The following HSPA4 variants were observed in gnomAD, a reference collection of about 807,000 sequenced individuals.
HSPA4 encodes heat shock 70 kDa protein 4.
Under a neutral mutation model 106.2 loss-of-function variants are expected in HSPA4, and 25 were observed. The ratio of observed to expected loss-of-function variants is 0.24; its 90% CI spans 0.17 to 0.33. The LOEUF (loss-of-function observed/expected upper bound fraction) is 0.33, where lower values mean the gene tolerates loss of function less well. Ranked by LOEUF, HSPA4 falls within the 10% of genes least tolerant of loss-of-function variation. The probability of loss-of-function intolerance (pLI) is 1.00; values close to 1 mark genes in which losing one functional copy is unlikely to be tolerated. For synonymous variants in HSPA4, 332 were observed against 333.6 expected, an observed-to-expected ratio of 1.00 and a Z score of 0.05; for missense variants, 841 against 996.0, an observed-to-expected ratio of 0.84 and a Z score of 2.10.
chr5:133,080,434 A>AC (rs1164086886), intron 7 of HSPA4, among the ~76,000 whole-genome samples: 9 of 151,210 alleles, frequency 6.0e-5, no homozygotes, highest in African/African-American at 2.2e-4. Context: ...AAAAAAAAAA[A>AC]AAAAAAACCC....
At chr5:133,096,366 A>T in intron 14 of HSPA4, 116 bp downstream of exon 14, 1 of 933,140 alleles carries the variant, frequency 1.1e-6, no homozygotes, top group Non-Finnish European at 1.6e-6. Context: ...AGAGAAAATA[A>T]ATTAGACTTT....
chr5:133,096,778 A>G (rs1304899346), intron 14 of HSPA4, among the ~76,000 whole-genome samples: 2 of 152,212 alleles, frequency 1.3e-5, no homozygotes, highest in Non-Finnish European at 2.9e-5. Flanking sequence ...ATCTTAGAAT[A>G]GTTTTGTCTT....
At chr5:133,057,200 A>T (rs1765175783) in intron 1 of HSPA4, among the ~76,000 whole-genome samples, 1 of 152,114 alleles carries the variant, frequency 6.6e-6, no homozygotes, top group African/African-American at 2.4e-5. Flanking sequence ...ACCAGAGAGT[A>T]CTCTGATTAA....
Position 133,088,428 on chromosome 5 carries a change from C to A in HSPA4, c.1010C>A (p.Ala337Glu). ...GAGTTAAAGAAAGAAGATATTTATG[C>A]AGTGGAGATAGTTGGTGGTGCTACA... ...QTKLKKEDIY[A>E]VEIVGGATRI... Residue 337 changes from alanine (A) to glutamate (E), a missense_variant, in exon 9 of 19, where the codon GCA becomes GAA. Around this residue, in one of 5 missense-constraint regions of HSPA4, gnomAD observed 347 missense variants for 408.7 expected, o/e 0.85. Transcript: ENST00000304858. 1 of 1,609,964 alleles carries A rather than the reference C, an allele frequency of 6.2e-7. No homozygotes were observed. The highest frequency in any genetic ancestry group is 8.5e-7 in the Non-Finnish European group (1 of 1,176,446).
intron 16 of HSPA4, among the ~76,000 whole-genome samples, chr5:133,100,662 G>A (rs183285076): frequency 3.3e-4 from 51 of 152,310 alleles, no homozygotes; most frequent in Admixed American, 8.5e-4. Flanking sequence ...GCGGGTGCCT[G>A]TAGTCCCAGC....
chr5:133,091,032 A>G (rs1049145387), intron 11 of HSPA4, 161 bp from the exon 12 acceptor site: 4 of 723,042 alleles, frequency 5.5e-6, no homozygotes, highest in Middle Eastern at 2.5e-4. Flanking sequence ...GAGAAATCTG[A>G]TGATTTAATA....
intron 13 of HSPA4, among the ~76,000 whole-genome samples, chr5:133,095,669 TTAA>T (rs1168326238): frequency 6.6e-6 from 1 of 152,234 alleles, no homozygotes; most frequent in African/African-American, 2.4e-5. Context: ...AGAAAAATTT[TTAA>T]TAGTAATTAT....
intron 15 of HSPA4, among the ~76,000 whole-genome samples, chr5:133,099,042 AATATAATAAAACTCCCC>A (rs920795360): frequency 2.0e-5 from 3 of 152,206 alleles, no homozygotes; most frequent in African/African-American, 7.2e-5. Flanking sequence ...CAGGGAGAAT[AATATAATAAAACTCCCC>A]ATACCTATCA....
At chr5:133,076,549 C>G in intron 6 of HSPA4, 105 bp from the exon 7 acceptor site, 5 of 973,952 alleles carry the variant, frequency 5.1e-6, no homozygotes, top group Non-Finnish European at 7.6e-6. Context: ...CTTAATGTAA[C>G]CCTCCCTCTT....
rs771868059 is a variant in HSPA4, at chr5:133,064,955, C to T, written c.108-25C>T. On this transcript the variant is annotated intron_variant, in intron 1 of 18. Coordinates refer to ENST00000304858, the MANE Select transcript of HSPA4 (RefSeq NM_002154.4). The stretch of plus-strand genomic sequence containing the variant: ...TTTATTATTGTAGTAAGATTTAATT[C>T]TTAAGTGCTTTTTTTGTCTTCTAGG... 1.7e-5 allele frequency: 28 copies of T among 1,602,398 alleles called. No individual in the cohort carries two copies. The South Asian group carries it at 3.1e-4, about 18-fold the overall frequency.
Position 133,096,221 on chromosome 5 carries a change from G to C in HSPA4, c.1774G>C (p.Glu592Gln). The C allele has an allele frequency of 3.1e-6, 5 of 1,613,842 alleles. No homozygotes were observed. The highest frequency in any genetic ancestry group is 1.6e-4 in the Middle Eastern group (1 of 6,062). Residue 592 changes from glutamate (E) to glutamine (Q), a missense_variant, in exon 14 of 19, where the codon GAG becomes CAG. Coordinates refer to ENST00000304858, the MANE Select transcript of HSPA4 (RefSeq NM_002154.4). ...TCAGCTATTATGGCAGATAGACAGA[G>C]AGATGCTCAACTTGTACATTGAAAA... ...ENQLLWQIDR[E>Q]MLNLYIENEG... is the part of the protein sequence containing the mutation.
intron 2 of HSPA4, among the ~76,000 whole-genome samples, chr5:133,066,740 T>C (rs1037637445): frequency 6.0e-5 from 9 of 149,496 alleles, no homozygotes; most frequent in African/African-American, 9.8e-5. Context: ...TTTTTTCTTT[T>C]TTTTTTTTTT....
chr5:133,100,594 C>A (rs1031828725), intron 16 of HSPA4, among the ~76,000 whole-genome samples: 1 of 151,936 alleles, frequency 6.6e-6, no homozygotes, highest in Non-Finnish European at 1.5e-5. Context: ...GGTCGGAGAT[C>A]GAGACCAAGG....
intron 7 of HSPA4, among the ~76,000 whole-genome samples, chr5:133,082,654 C>G (rs1414618966): frequency 6.6e-6 from 1 of 151,914 alleles, no homozygotes; most frequent in Non-Finnish European, 1.5e-5. Context: ...TTTGTAGAGA[C>G]AGGATTTTGC....
chr5:133,067,340 C>A, intron 2 of HSPA4, 77 bp from the exon 3 acceptor site: 2 of 1,235,484 alleles, frequency 1.6e-6, no homozygotes, highest in East Asian at 2.4e-5. Flanking sequence ...TAAAATGTTG[C>A]TAATTTAATC....
intron 7 of HSPA4, among the ~76,000 whole-genome samples, chr5:133,077,655 GTGTTAT>G (rs1336558423): frequency 6.6e-6 from 1 of 152,168 alleles, no homozygotes; most frequent in Non-Finnish European, 1.5e-5. Context: ...ACTACCCAGA[GTGTTAT>G]TGTTGCCTGG....
At chr5:133,063,287 G>GT (rs1258850249) in intron 1 of HSPA4, among the ~76,000 whole-genome samples, 1 of 141,902 alleles carries the variant, frequency 7.0e-6, no homozygotes, top group African/African-American at 2.6e-5. Context: ...TAATTTTTTT[G>GT]TATTTTTTTT....
At chr5:133,064,607 TG>T (rs1215197323) in intron 1 of HSPA4, among the ~76,000 whole-genome samples, 5 of 152,192 alleles carry the variant, frequency 3.3e-5, no homozygotes, top group African/African-American at 1.2e-4. Context: ...ACTATATTCT[TG>T]GTGAAGTTGT....
intron 17 of HSPA4, among the ~76,000 whole-genome samples, chr5:133,102,898 C>T (rs985460708): frequency 8.0e-6 from 1 of 125,058 alleles, no homozygotes; most frequent in Non-Finnish European, 1.7e-5. Context: ...TACCACCACA[C>T]CCAACTAGGG....
Sources: allele counts gnomAD v4.1 joint callset (sites outside exome capture counted in the v4.1 genomes callset), GRCh38; gene constraint gnomAD v4.1.1; regional missense constraint gnomAD v4.1.1; transcripts MANE v1.5; gene names NCBI Gene and HGNC (gene_info 2026-07-23, HGNC 2026-07-21).